TSC22D1: variants seen among roughly 807,000 people sequenced by gnomAD.
TSC22D1 encodes TSC22 domain family protein 1.
A neutral mutation model predicts 74.2 loss-of-function variants in TSC22D1; 9 were observed. That is an observed-to-expected ratio of 0.12 (90% CI 0.07 to 0.21). TSC22D1 has a LOEUF of 0.21. Among genes scored for constraint, TSC22D1 ranks in the 10% least tolerant of loss-of-function variants. TSC22D1 has a pLI of 1.00. For synonymous variants in TSC22D1, 586 were observed against 492.5 expected (o/e 1.19, Z -2.51); for missense variants, 1,427 against 1,304.7 (o/e 1.09, Z -1.44).
In TSC22D1 at chr13:44,518,370, T is replaced by A. The variant is rs182792979; in HGVS notation, c.2912+54793A>T. 1.9e-3 allele frequency among the ~76,000 whole-genome samples: 295 copies of A among 152,282 alleles called. 1 individual carries two copies. The highest frequency in any genetic ancestry group is 5.3e-3 in the African/African-American group (222 of 41,556). On this transcript the variant is annotated intron_variant, in intron 1 of 2. Coordinates refer to ENST00000458659, the MANE Select transcript of TSC22D1 (RefSeq NM_183422.4). Reference sequence around the variant, plus strand: ...AAAACAGGTTGTTTATTTCATTCAGTTCTAATTATAGTATCTAGCTAGCAA... The same window carrying A: ...AAAACAGGTTGTTTATTTCATTCAGATCTAATTATAGTATCTAGCTAGCAA...
intron 1 of TSC22D1, among the ~76,000 whole-genome samples, chr13:44,535,652 A>G (rs1306063744): frequency 6.6e-6 from 1 of 151,956 alleles, no homozygotes; most frequent in Non-Finnish European, 1.5e-5. Context: ...AAAAAAAACC[A>G]TTTGTTTCCT....
intron 1 of TSC22D1, among the ~76,000 whole-genome samples, chr13:44,492,296 T>C (rs977863428): frequency 1.3e-5 from 2 of 152,208 alleles, no homozygotes; most frequent in African/African-American, 4.8e-5. Flanking sequence ...ACACAAAACC[T>C]ATTTTATAAC....
At chr13:44,512,710 C>T (rs952406219) in intron 1 of TSC22D1, among the ~76,000 whole-genome samples, 5 of 152,064 alleles carry the variant, frequency 3.3e-5, no homozygotes, top group Non-Finnish European at 5.9e-5. Flanking sequence ...AGTGCAGCGA[C>T]GCGATCTCAA....
chr13:44,518,023 A>C (rs904860341), intron 1 of TSC22D1, among the ~76,000 whole-genome samples: 2 of 145,720 alleles, frequency 1.4e-5, no homozygotes, highest in African/African-American at 5.0e-5. Flanking sequence ...CGCCCAGCTA[A>C]CTTTTTTTTT....
At chr13:44,534,013 TGAG>T (rs1444124111) in intron 1 of TSC22D1, among the ~76,000 whole-genome samples, 1 of 152,014 alleles carries the variant, frequency 6.6e-6, no homozygotes, top group East Asian at 1.9e-4. Flanking sequence ...TTTAGGAGAC[TGAG>T]GAGGGAGGAT....
intron 1 of TSC22D1, among the ~76,000 whole-genome samples, chr13:44,490,571 A>C (rs1430832838): frequency 6.6e-6 from 1 of 152,100 alleles, no homozygotes; most frequent in Non-Finnish European, 1.5e-5. Flanking sequence ...TGAGGTAATA[A>C]AAGATGTCTT....
rs546252820 is a variant in TSC22D1 at position 44,550,451 on chromosome 13, G to A, written c.2912+22712C>T. The stretch of plus-strand genomic sequence containing the variant: ...ACAAAAATTAGCCAGGTGTGGTGGC[G>A]CATGCCTGTAATCCCAGCTACTTGA... On this transcript the variant is annotated intron_variant, in intron 1 of 2. Transcript: ENST00000458659. Among the ~76,000 whole-genome samples, 19 of 151,738 alleles carry A rather than the reference G, an allele frequency of 1.3e-4. No homozygotes were observed. The South Asian group carries it at 4.0e-3, about 32-fold the overall frequency.
chr13:44,459,392 T>C (rs1566123360), intron 1 of TSC22D1, among the ~76,000 whole-genome samples: 1 of 152,144 alleles, frequency 6.6e-6, no homozygotes, highest in African/African-American at 2.4e-5. Context: ...TGGACACTTA[T>C]TGGCACGACC....
chr13:44,474,368 A>G (rs1877777448), intron 1 of TSC22D1: 3 of 695,174 alleles, frequency 4.3e-6, no homozygotes, highest in Non-Finnish European at 5.3e-6. Context: ...CTGTCCCCTA[A>G]GGCAGTTTCT....
Position 44,574,707 on chromosome 13 carries a change from T to C in TSC22D1, c.1368A>G (p.Ile456Met). The C allele has an allele frequency of 6.2e-7, 1 of 1,614,156 alleles. No homozygotes were observed. Reference protein sequence around the residue: ...KVVETVKQNPIEVTSERESTS... With the variant: ...KVVETVKQNPMEVTSERESTS... ...TGCTCTCCCTTTCAGAAGTCACTTC[T>C]ATCGGATTTTGCTTTACAGTCTCCA... is the stretch of plus-strand genomic sequence containing the variant. Residue 456 changes from isoleucine (I) to methionine (M), a missense_variant, in exon 1 of 3, where the codon ATA becomes ATG. Transcript: ENST00000458659.
intron 1 of TSC22D1, among the ~76,000 whole-genome samples, chr13:44,442,683 G>A (rs750679218): frequency 1.3e-5 from 2 of 152,040 alleles, no homozygotes; most frequent in Non-Finnish European, 2.9e-5. Context: ...TTGGGAGGCC[G>A]AGGCAGGTGG....
intron 1 of TSC22D1, among the ~76,000 whole-genome samples, chr13:44,551,389 G>GGTGGGTGGGT (rs1298469090): frequency 4.0e-5 from 5 of 125,252 alleles, no homozygotes; most frequent in African/African-American, 1.6e-4. Context: ...CAATCAGATG[G>GGTGGGTGGGT]GTGTGTGTGT....
rs757229968 is a variant in TSC22D1 at position 44,575,035 on chromosome 13, G to A, written c.1040C>T (p.Ala347Val). ...NISTSNIPSA[A>V]GVSVGPGVTS... ...AACTCCAGGCCCAACACTCACACCA[G>A]CAGCACTAGGAATATTGCTTGTACT... Residue 347 changes from alanine to valine, a missense_variant, in exon 1 of 3, where the codon GCT (alanine) becomes GTT (valine). Physicochemically the swap from Ala to Val is moderately conservative, Grantham distance 64. Transcript: ENST00000458659. The A allele has an allele frequency of 6.2e-7, 1 of 1,613,974 alleles. No individual in the cohort carries two copies. Among genetic ancestry groups the A allele is most frequent in the Non-Finnish European group, 8.5e-7 (1 of 1,180,032 alleles).
At chr13:44,436,653 G>A in intron 1 of TSC22D1, 10 of 1,596,000 alleles carry the variant, frequency 6.3e-6, no homozygotes, top group Non-Finnish European at 7.7e-6. Context: ...AAACACCCTC[G>A]TGGAAAAAAA....
In TSC22D1 at chr13:44,573,644, G is replaced by T; in HGVS notation, c.2431C>A (p.Gln811Lys). 6.2e-7 allele frequency: 1 copy of T among 1,614,212 alleles called. No homozygotes were observed. Among genetic ancestry groups the T allele is most frequent in the Non-Finnish European group, 8.5e-7 (1 of 1,180,046 alleles). Reference protein sequence around the residue: ...PQPQGVEPVAQGIVSQQLPAV... With the variant: ...PQPQGVEPVAKGIVSQQLPAV... The stretch of plus-strand genomic sequence containing the variant: ...GGCAACTGCTGTGAAACAATTCCTT[G>T]AGCTACTGGTTCTACTCCTTGTGGC... The change falls in exon 1 of 3, where the codon CAA (glutamine) becomes AAA (lysine). Residue 811 changes from glutamine (Q) to lysine (K), a missense_variant. This residue lies in a region of TSC22D1 where 1,343 missense variants were observed against 1,191.5 expected (regional missense o/e 1.13). Coordinates refer to ENST00000458659, the MANE Select transcript of TSC22D1 (RefSeq NM_183422.4).
At chr13:44,521,042 G>A (rs972393695) in intron 1 of TSC22D1, among the ~76,000 whole-genome samples, 1 of 152,124 alleles carries the variant, frequency 6.6e-6, no homozygotes, top group Non-Finnish European at 1.5e-5. Context: ...CCCAAGGTGA[G>A]TGGCAGTGCT....
chr13:44,434,431 C>A lies in TSC22D1; in HGVS notation c.*195G>T. On this transcript the variant is annotated 3_prime_UTR_variant, in exon 3 of 3. Coordinates refer to ENST00000458659, the MANE Select transcript of TSC22D1 (RefSeq NM_183422.4). ...ATTCTCGGATTAACCTTTAATTCAC[C>A]CAACTAAGAAATTTCTCCAAGCCAT... is the stretch of plus-strand genomic sequence containing the variant. 5 of 1,353,304 alleles carry A rather than the reference C, an allele frequency of 3.7e-6. No homozygotes were observed. The highest frequency in any genetic ancestry group is 4.7e-6 in the Non-Finnish European group (5 of 1,060,736). The allele number at this position is 1,353,304 out of a possible 1,614,324, so 83.8% of individuals were successfully genotyped here.
At chr13:44,501,504 G>C (rs568538704) in intron 1 of TSC22D1, among the ~76,000 whole-genome samples, 3 of 152,240 alleles carry the variant, frequency 2.0e-5, no homozygotes, top group African/African-American at 7.2e-5. Flanking sequence ...GAATCCCCTG[G>C]CATTGAAATG....
intron 2 of TSC22D1, 72 bp downstream of exon 2, chr13:44,435,972 C>G: frequency 1.4e-6 from 2 of 1,431,700 alleles, no homozygotes; most frequent in Non-Finnish European, 1.9e-6. Context: ...TAGGGATGCA[C>G]TGGTTCCACA....
Sources: allele counts gnomAD v4.1 joint callset (sites outside exome capture counted in the v4.1 genomes callset), GRCh38; gene constraint gnomAD v4.1.1; regional missense constraint gnomAD v4.1.1; transcripts MANE v1.5; gene names NCBI Gene and HGNC (gene_info 2026-07-23, HGNC 2026-07-21).